DRAM1: variants seen among roughly 807,000 people sequenced by gnomAD.
The protein encoded by DRAM1 is DNA damage regulated autophagy modulator 1.
Under a neutral mutation model 28.5 loss-of-function variants are expected in DRAM1, and 25 were observed. The ratio of observed to expected loss-of-function variants is 0.88; its 90% CI spans 0.64 to 1.23. The LOEUF (loss-of-function observed/expected upper bound fraction) is 1.23. Ranked by LOEUF, DRAM1 falls within the 50% of genes most tolerant of loss-of-function variation. The probability of loss-of-function intolerance (pLI) is 0.00; values close to 1 mark genes in which losing one functional copy is unlikely to be tolerated. For missense variants in DRAM1, 249 were observed against 299.2 expected (o/e 0.83, Z 1.24); for synonymous variants, 113 against 114.2 (o/e 0.99, Z 0.07).
chr12:101,921,708 T>C lies in DRAM1; in HGVS notation c.*448T>C, dbSNP rs949234094. The C allele has an allele frequency of 6.5e-6, 1 of 153,592 alleles. No homozygotes were observed. The highest frequency in any genetic ancestry group is 2.4e-5 in the African/African-American group (1 of 41,466). 9.5% of individuals were successfully genotyped at this position (153,592 alleles called of 1,614,324 possible). A position where few individuals can be genotyped will look rare whatever the true frequency, so the allele number is the denominator to read the frequency against. On this transcript the variant is annotated 3_prime_UTR_variant, in exon 7 of 7. Coordinates refer to ENST00000258534, the MANE Select transcript of DRAM1 (RefSeq NM_018370.3). ...TTCTTAGTGAATGAACTGTATAATT[T>C]TTTTTATCAGGAGAGCACTTATAAA...
At chr12:101,882,962 A>C (rs1872742221) in intron 1 of DRAM1, among the ~76,000 whole-genome samples, 2 of 150,454 alleles carry the variant, frequency 1.3e-5, no homozygotes, top group Admixed American at 1.3e-4. Flanking sequence ...ACAAATGACT[A>C]TCAGTAGAGA....
chr12:101,901,481 G>A (rs1326683106), intron 3 of DRAM1, 48 bp downstream of exon 3: 18 of 1,593,844 alleles, frequency 1.1e-5, no homozygotes, highest in Non-Finnish European at 1.5e-5. Context: ...GAGTGTATGT[G>A]TCTGAAGAGA....
intron 3 of DRAM1, among the ~76,000 whole-genome samples, chr12:101,901,923 G>A (rs1308171829): frequency 6.6e-6 from 1 of 151,914 alleles, no homozygotes; most frequent in African/African-American, 2.4e-5. Flanking sequence ...GGAGAAATGG[G>A]GTGCACATTT....
At chr12:101,884,509 G>C (rs1872811823) in intron 1 of DRAM1, among the ~76,000 whole-genome samples, 1 of 150,642 alleles carries the variant, frequency 6.6e-6, no homozygotes, top group East Asian at 1.9e-4. Flanking sequence ...TCTTCTTTTT[G>C]GCATGTGTCT....
intron 3 of DRAM1, among the ~76,000 whole-genome samples, chr12:101,906,382 G>A (rs908611707): frequency 6.7e-6 from 1 of 149,674 alleles, no homozygotes; most frequent in Non-Finnish European, 1.5e-5. Context: ...AGGGAAGCTG[G>A]GGGAAGAGTG....
At position 101,914,340 on chromosome 12, in the gene DRAM1, A is replaced by G. The variant is rs982623302; in HGVS notation, c.579+108A>G. 41 of 659,870 alleles carry G rather than the reference A, an allele frequency of 6.2e-5. 1 individual carries two copies. The highest frequency in any genetic ancestry group is 5.3e-4 in the Admixed American group (17 of 31,810). The allele number at this position is 659,870 out of a possible 1,614,324, so 40.9% of individuals were successfully genotyped here. ...GCCGTTCCTTAGAACAAGTTGCAAAATGTCAAATAAACATGGCATGTAATC... is the reference window on the plus strand; with the variant it reads ...GCCGTTCCTTAGAACAAGTTGCAAAGTGTCAAATAAACATGGCATGTAATC... On this transcript the variant is annotated intron_variant, in intron 5 of 6. Transcript: ENST00000258534.
At chr12:101,908,141 G>A (rs1566128988) in intron 3 of DRAM1, 45 bp from the exon 4 acceptor site, 2 of 1,545,984 alleles carry the variant, frequency 1.3e-6, no homozygotes, top group Admixed American at 1.9e-5. Flanking sequence ...GTTCGATGTT[G>A]ACAAACCCAC....
intron 2 of DRAM1, among the ~76,000 whole-genome samples, chr12:101,899,190 C>T (rs751008101): frequency 5.0e-4 from 76 of 152,106 alleles, no homozygotes; most frequent in South Asian, 2.1e-4. Flanking sequence ...TTGTAGTCCT[C>T]CTAAAGTTTT....
chr12:101,908,027 C>T (rs528472979), intron 3 of DRAM1, among the ~76,000 whole-genome samples, 159 bp from the exon 4 acceptor site: 2 of 152,256 alleles, frequency 1.3e-5, no homozygotes, highest in South Asian at 2.1e-4. Context: ...AATTTCAGCA[C>T]CTGGAGGGCT....
At chr12:101,910,153 G>A (rs1873984562) in intron 4 of DRAM1, among the ~76,000 whole-genome samples, 1 of 152,110 alleles carries the variant, frequency 6.6e-6, no homozygotes, top group African/African-American at 2.4e-5. Flanking sequence ...CAGGCACAGA[G>A]TAGCCAAATC....
chr12:101,895,287 C>T (rs767363372), intron 1 of DRAM1, among the ~76,000 whole-genome samples: 3 of 140,796 alleles, frequency 2.1e-5, no homozygotes, highest in Non-Finnish European at 4.5e-5. Context: ...AAGTGATTCT[C>T]CTGCCTCAGT....
chr12:101,898,461 T>G (rs145469674), intron 2 of DRAM1, among the ~76,000 whole-genome samples: 1 of 152,336 alleles, frequency 6.6e-6, no homozygotes, highest in Admixed American at 6.5e-5. Flanking sequence ...CAGGATTTGC[T>G]GTAGGTGGTT....
In DRAM1 at chr12:101,877,996, A is replaced by C. The variant is rs1872556885; in HGVS notation, c.131+76A>C. On this transcript the variant is annotated intron_variant, in intron 1 of 6. Transcript: ENST00000258534. The surrounding 1 kb of genome is among the most constrained non-coding windows in gnomAD (Gnocchi z 4.1). The stretch of plus-strand genomic sequence containing the variant: ...AGGGAGCGCTGCCGACGGGGAGGGA[A>C]GGCGTCCGGACCCAGCTTGGGGCGT... 6 of 1,361,638 alleles carry C rather than the reference A, an allele frequency of 4.4e-6. No homozygotes were observed. The highest frequency in any genetic ancestry group is 4.8e-6 in the Non-Finnish European group (5 of 1,043,422). 84.3% of individuals were successfully genotyped at this position (1,361,638 alleles called of 1,614,324 possible).
intron 4 of DRAM1, among the ~76,000 whole-genome samples, chr12:101,909,795 A>G (rs1873971392): frequency 6.6e-6 from 1 of 152,132 alleles, no homozygotes; most frequent in South Asian, 2.1e-4. Context: ...CTTTTCTTTA[A>G]TGAAGTATTT....
At chr12:101,889,977 G>A (rs1594294232) in intron 1 of DRAM1, 3 of 417,802 alleles carry the variant, frequency 7.2e-6, no homozygotes, top group East Asian at 7.5e-5. Context: ...CCAGTAATGA[G>A]TACTTTCTAA....
chr12:101,881,089 G>A (rs1213834367), intron 1 of DRAM1, among the ~76,000 whole-genome samples: 1 of 152,176 alleles, frequency 6.6e-6, no homozygotes, highest in African/African-American at 2.4e-5. Context: ...ACCACACATA[G>A]AGAAGAAGGC....
chr12:101,895,896 C>CT (rs1187243660), intron 1 of DRAM1, among the ~76,000 whole-genome samples: 2 of 150,064 alleles, frequency 1.3e-5, no homozygotes, highest in African/African-American at 2.5e-5. Context: ...ACTTCTTTTT[C>CT]TTTTTTTTGA....
In DRAM1 at chr12:101,877,742, G is replaced by T. The variant is rs1158645646; in HGVS notation, c.-48G>T. 2.9e-6 allele frequency: 4 copies of T among 1,372,066 alleles called. No homozygotes were observed. In the African/African-American group the frequency reaches 6.1e-5, roughly 21 times the overall value. 85.0% of individuals were successfully genotyped at this position (1,372,066 alleles called of 1,614,324 possible). On this transcript the variant is annotated 5_prime_UTR_variant, in exon 1 of 7. Coordinates refer to ENST00000258534, the MANE Select transcript of DRAM1 (RefSeq NM_018370.3). The surrounding 1 kb of genome is among the most constrained non-coding windows in gnomAD (Gnocchi z 4.1). ...TCCAGGCAGCCCGGAGCAACCCGGC[G>T]CCCGGCCCCGCTGGGCGCAGCACTC...
chr12:101,920,053 T>G (rs890633023), intron 5 of DRAM1, 56 bp from the exon 6 acceptor site: 1 of 1,238,920 alleles, frequency 8.1e-7, no homozygotes, highest in Non-Finnish European at 1.1e-6. Context: ...TATTTCAGTA[T>G]GTACATTAAA....
Sources: gnomAD v4.1 joint callset for allele counts (sites outside exome capture counted in the v4.1 genomes callset) on GRCh38, gnomAD v4.1.1 for gene constraint, Gnocchi (gnomAD v3.1) non-coding constraint, MANE v1.5 for transcripts, NCBI Gene and HGNC (gene_info 2026-07-23, HGNC 2026-07-21) for gene names.